Variants in PKD1L1 observed in about 807,000 individuals in gnomAD.
PKD1L1 encodes polycystin 1 like 1, transient receptor potential channel interacting.
A neutral mutation model predicts 323.4 loss-of-function variants in PKD1L1; 236 were observed. That is an observed-to-expected ratio of 0.73 (90% CI 0.66 to 0.81). PKD1L1 has a LOEUF of 0.81. Among genes scored for constraint, PKD1L1 ranks in the 40% least tolerant of loss-of-function variants. PKD1L1 has a pLI of 0.00. For missense variants in PKD1L1, 3,320 were observed against 3,508.0 expected (o/e 0.95, Z 1.35); for synonymous variants, 1,344 against 1,335.0 (o/e 1.01, Z -0.15).
intron 1 of PKD1L1, 110 bp downstream of exon 1, chr7:47,948,287 C>A (rs934463269): frequency 1.6e-6 from 2 of 1,288,748 alleles, no homozygotes; most frequent in East Asian, 2.3e-5. Context: ...GGCCTCCACT[C>A]GTGCCAGAGT....
chr7:47,930,354 A>C (rs1299442665), intron 6 of PKD1L1, among the ~76,000 whole-genome samples: 6 of 152,006 alleles, frequency 3.9e-5, no homozygotes, highest in Non-Finnish European at 7.4e-5. Context: ...AAATCCAAAA[A>C]ATTAGCCGGG....
chr7:47,883,989 G>A (rs1308008208), intron 19 of PKD1L1, among the ~76,000 whole-genome samples: 1 of 152,172 alleles, frequency 6.6e-6, no homozygotes. Context: ...TGTGTTTACT[G>A]AGTGCCAATG....
chr7:47,889,632 ACAG>A (rs892722767), intron 16 of PKD1L1, among the ~76,000 whole-genome samples: 1 of 152,098 alleles, frequency 6.6e-6, no homozygotes, highest in African/African-American at 2.4e-5. Context: ...ATCTCTGAGG[ACAG>A]CAGATTTGCT....
In PKD1L1 at chr7:47,946,528, C is replaced by T. The variant is rs1788100916; in HGVS notation, c.44+1869G>A. Reference sequence around the variant, plus strand: ...ACACCATACACACAAACACCACACACACACCAACACATTACACACACATCA... The same window carrying T: ...ACACCATACACACAAACACCACACATACACCAACACATTACACACACATCA... On this transcript the variant is annotated intron_variant, in intron 1 of 56. Coordinates refer to ENST00000289672, the MANE Select transcript of PKD1L1 (RefSeq NM_138295.5). The surrounding 1 kb of genome is among the most constrained non-coding windows in gnomAD (Gnocchi z 4.1). Among the ~76,000 whole-genome samples, 1 of 151,236 alleles carries T rather than the reference C, an allele frequency of 6.6e-6. No individual in the cohort carries two copies. Among genetic ancestry groups the T allele is most frequent in the Non-Finnish European group, 1.5e-5 (1 of 67,764 alleles).
In PKD1L1 at chr7:47,833,230, G is replaced by C. The variant is rs1385333960; in HGVS notation, c.6197C>G (p.Ser2066Cys). The C allele has an allele frequency of 6.2e-7, 1 of 1,613,092 alleles. No individual in the cohort carries two copies. Among genetic ancestry groups the C allele is most frequent in the Admixed American group, 1.7e-5 (1 of 59,940 alleles). The change falls in exon 41 of 57, where the codon TCT becomes TGT. Residue 2066 changes from serine to cysteine, a missense_variant. Ser to Cys is a moderately radical substitution (Grantham distance 112). Transcript: ENST00000289672. ...PRKQPASAIL[S>C]GSGRAQRKAA... ...CTTCCTTTGGGCCCTGCCACTCCCA[G>C]AGAGAATGGCTGATGCAGGTTGCTA...
chr7:47,880,899 CCA>C, intron 20 of PKD1L1, 94 bp from the exon 21 acceptor site: 1 of 969,844 alleles, frequency 1.0e-6, no homozygotes, highest in Non-Finnish European at 1.5e-6. Context: ...CACTCTTCCC[CCA>C]GGGGTGAAAT....
upstream of PKD1L1, among the ~76,000 whole-genome samples, chr7:47,948,873 C>T (rs529174979): frequency 1.2e-3 from 179 of 152,102 alleles, 1 homozygote; most frequent in Admixed American, 2.0e-3. Context: ...GAGAGAATTG[C>T]TTGAACCTAG....
At chr7:47,925,442 G>C (rs1787638390) in intron 7 of PKD1L1, among the ~76,000 whole-genome samples, 1 of 152,180 alleles carries the variant, frequency 6.6e-6, no homozygotes, top group Non-Finnish European at 1.5e-5. Flanking sequence ...AGTTCATGCA[G>C]TGGGAGACTC....
intron 56 of PKD1L1, among the ~76,000 whole-genome samples, chr7:47,789,307 T>G: frequency 6.6e-6 from 1 of 152,228 alleles, no homozygotes; most frequent in Non-Finnish European, 1.5e-5. Flanking sequence ...TAATAAACAA[T>G]GATAACTGTT....
At chr7:47,844,195 A>G (rs914584975) in intron 33 of PKD1L1, among the ~76,000 whole-genome samples, 1 of 152,238 alleles carries the variant, frequency 6.6e-6, no homozygotes, top group African/African-American at 2.4e-5. Context: ...CTGAATGGCC[A>G]GTGACCTGTT....
At chr7:47,932,688 C>T (rs536095589) in intron 4 of PKD1L1, among the ~76,000 whole-genome samples, 2 of 152,204 alleles carry the variant, frequency 1.3e-5, no homozygotes, top group East Asian at 3.9e-4. Flanking sequence ...CCTTTCTCGG[C>T]GGCGGCTCCA....
intron 45 of PKD1L1, among the ~76,000 whole-genome samples, chr7:47,825,976 A>G (rs1785233550): frequency 6.6e-6 from 1 of 151,438 alleles, no homozygotes; most frequent in South Asian, 2.1e-4. Flanking sequence ...CAGCCACCCC[A>G]CCCCAGAGGG....
chr7:47,789,062 T>C (rs978440375), intron 56 of PKD1L1, among the ~76,000 whole-genome samples: 3 of 152,238 alleles, frequency 2.0e-5, no homozygotes, highest in African/African-American at 4.8e-5. Flanking sequence ...ATTTTTAATT[T>C]GGAATATTTT....
At chr7:47,780,274 C>A (rs1045220993) in intron 56 of PKD1L1, among the ~76,000 whole-genome samples, 3 of 152,188 alleles carry the variant, frequency 2.0e-5, no homozygotes, top group Non-Finnish European at 4.4e-5. Flanking sequence ...TCCTCACCGT[C>A]TTTTCATCCC....
intron 8 of PKD1L1, among the ~76,000 whole-genome samples, chr7:47,912,647 C>T (rs964776854): frequency 6.6e-6 from 1 of 151,710 alleles, no homozygotes; most frequent in East Asian, 1.9e-4. Context: ...GAAATGCCAT[C>T]TCTACTAAAA....
chr7:47,925,264 C>T (rs555227800), intron 7 of PKD1L1, among the ~76,000 whole-genome samples: 88 of 152,246 alleles, frequency 5.8e-4, no homozygotes, highest in African/African-American at 2.1e-3. Context: ...AATCCCAACA[C>T]TTTGGGAGGC....
chr7:47,891,133 C>T lies in PKD1L1; in HGVS notation c.2454-370G>A, dbSNP rs1197863924. On this transcript the variant is annotated intron_variant, in intron 15 of 56. Transcript: ENST00000289672. ...TCAAGTATGTCCCAAACACTGCACC[C>T]CATCATCATGACAGCTCCATGTGAC... 3.3e-5 allele frequency among the ~76,000 whole-genome samples: 5 copies of T among 152,282 alleles called. No homozygotes were observed. The East Asian group carries it at 9.7e-4, about 29-fold the overall frequency.
the PKD1L1 span, among the ~76,000 whole-genome samples, chr7:47,959,363 A>C: frequency 7.2e-6 from 1 of 137,976 alleles, no homozygotes; most frequent in Non-Finnish European, 1.6e-5. Context: ...CCGCCATCCC[A>C]TCTAGGAAGT....
At position 47,803,700 on chromosome 7, in the gene PKD1L1, C is replaced by T. The variant is rs145681492; in HGVS notation, c.7828-356G>A. 2.5e-3 allele frequency among the ~76,000 whole-genome samples: 384 copies of T among 152,300 alleles called. 1 individual carries two copies. Among genetic ancestry groups the T allele is most frequent in the African/African-American group, 8.6e-3 (359 of 41,558 alleles). On this transcript the variant is annotated intron_variant, in intron 52 of 56. Coordinates refer to ENST00000289672, the MANE Select transcript of PKD1L1 (RefSeq NM_138295.5). ...CTACTGGGCTATAAGAAAATCATCA[C>T]CACAGAGGGGACTCAAAGAAGTATT...
Sources: gnomAD v4.1 joint callset for allele counts (sites outside exome capture counted in the v4.1 genomes callset) on GRCh38, gnomAD v4.1.1 for gene constraint, Gnocchi (gnomAD v3.1) non-coding constraint, MANE v1.5 for transcripts, NCBI Gene and HGNC (gene_info 2026-07-23, HGNC 2026-07-21) for gene names.